CATSPERE: variants seen among roughly 807,000 people sequenced by gnomAD.
CATSPERE encodes cation channel sperm-associated auxiliary subunit epsilon.
In CATSPERE, 93 loss-of-function variants were observed where a neutral mutation model predicts 114.1. The observed-to-expected ratio is 0.81, with a 90% confidence interval of 0.69 to 0.97. The LOEUF is 0.97. Ranked by LOEUF, CATSPERE falls within the 50% of genes least tolerant of loss-of-function variation. CATSPERE has a pLI of 0.00. For synonymous variants in CATSPERE, 341 were observed against 384.1 expected, an observed-to-expected ratio of 0.89 and a Z score of 1.31; for missense variants, 1,058 against 1,131.6, an observed-to-expected ratio of 0.93 and a Z score of 0.93.
intron 8 of CATSPERE, 99 bp from the exon 9 acceptor site, chr1:244,552,223 A>G: frequency 7.0e-7 from 1 of 1,429,506 alleles, no homozygotes; most frequent in African/African-American, 1.5e-5. Context: ...ATTTGTATTG[A>G]TAAAAATTAA....
intron 11 of CATSPERE, among the ~76,000 whole-genome samples, chr1:244,574,196 A>G (rs1339536604): frequency 2.6e-5 from 4 of 152,206 alleles, no homozygotes; most frequent in African/African-American, 9.6e-5. Flanking sequence ...GCTTACGAAA[A>G]GACTTAGAAA....
chr1:244,552,889 T>C, intron 9 of CATSPERE, 75 bp downstream of exon 9: 4 of 788,828 alleles, frequency 5.1e-6, no homozygotes, highest in Non-Finnish European at 6.7e-6. Flanking sequence ...ATTTACTCAG[T>C]GATAAACAGA....
At chr1:244,574,405 G>A (rs1330901721) in intron 11 of CATSPERE, among the ~76,000 whole-genome samples, 1 of 152,114 alleles carries the variant, frequency 6.6e-6, no homozygotes, top group African/African-American at 2.4e-5. Flanking sequence ...AAGGCTTGAA[G>A]GAAGTTAGTC....
intron 18 of CATSPERE, among the ~76,000 whole-genome samples, chr1:244,608,435 C>T (rs1000891231): frequency 6.6e-6 from 1 of 151,550 alleles, no homozygotes; most frequent in Non-Finnish European, 1.5e-5. Flanking sequence ...ACTCAGGAGG[C>T]TGAGGCGGGA....
At chr1:244,461,645 A>G in intron 1 of CATSPERE, 151 bp downstream of exon 1, 1 of 512,516 alleles carries the variant, frequency 2.0e-6, no homozygotes, top group Non-Finnish European at 3.0e-6. Context: ...CACCAGCCCC[A>G]GTGTCCCACC....
At chr1:244,579,651 C>G (rs1665874329) in intron 11 of CATSPERE, among the ~76,000 whole-genome samples, 1 of 152,132 alleles carries the variant, frequency 6.6e-6, no homozygotes, top group Admixed American at 6.6e-5. Flanking sequence ...CTTCAAACTA[C>G]TAGTTATTCA....
intron 20 of CATSPERE, among the ~76,000 whole-genome samples, chr1:244,632,326 G>A (rs1452812377): frequency 4.7e-5 from 7 of 148,946 alleles, no homozygotes; most frequent in Non-Finnish European, 7.4e-5. Context: ...CCTGGGAGGC[G>A]GAGGTTGCAG....
At chr1:244,521,553 T>C (rs1250876107) in intron 8 of CATSPERE, among the ~76,000 whole-genome samples, 1 of 152,150 alleles carries the variant, frequency 6.6e-6, no homozygotes, top group Non-Finnish European at 1.5e-5. Context: ...AAAATGTTTT[T>C]TACTTCCTGC....
intron 9 of CATSPERE, among the ~76,000 whole-genome samples, chr1:244,553,361 A>AC (rs2148502297): frequency 6.6e-6 from 1 of 152,014 alleles, no homozygotes; most frequent in East Asian, 1.9e-4. Flanking sequence ...GGAGATGGAG[A>AC]CCATGGTGAA....
chr1:244,477,971 G>A lies in CATSPERE; in HGVS notation c.254G>A (p.Gly85Asp). ...GVHAIKPIVT[G>D]PDEEERYLFV... Reference sequence around the variant, plus strand: ...CACGCTATAAAACCAATTGTTACTGGCCCAGTAAGTTGTTTTAATGATATG... The same window carrying A: ...CACGCTATAAAACCAATTGTTACTGACCCAGTAAGTTGTTTTAATGATATG... The change falls in exon 4 of 22, where the codon GGC becomes GAC. Residue 85 changes from glycine to aspartate, a missense_variant. Gly to Asp is a moderately conservative substitution (Grantham distance 94, BLOSUM62 -1). Around this residue, in one of 2 missense-constraint regions of CATSPERE, gnomAD observed 271 missense variants for 225.9 expected, o/e 1.20. Transcript: ENST00000366534. 1 of 1,591,014 alleles carries A rather than the reference G, an allele frequency of 6.3e-7. No individual in the cohort carries two copies.
At chr1:244,616,693 C>T (rs1463092078) in intron 19 of CATSPERE, among the ~76,000 whole-genome samples, 1 of 152,234 alleles carries the variant, frequency 6.6e-6, no homozygotes, top group Non-Finnish European at 1.5e-5. Context: ...GTGATCCAAA[C>T]TCCTGGTGGG....
intron 6 of CATSPERE, among the ~76,000 whole-genome samples, chr1:244,497,242 G>C (rs773419199): frequency 6.6e-6 from 1 of 152,056 alleles, no homozygotes; most frequent in Non-Finnish European, 1.5e-5. Flanking sequence ...ACTCCATAAA[G>C]CTGGAAGATA....
chr1:244,584,173 T>A (rs1666678563), intron 13 of CATSPERE, among the ~76,000 whole-genome samples: 1 of 152,200 alleles, frequency 6.6e-6, no homozygotes, highest in South Asian at 2.1e-4. Flanking sequence ...AAATCATTTA[T>A]TCATTTAAAA....
At chr1:244,577,068 TA>T (rs1229850900) in intron 11 of CATSPERE, among the ~76,000 whole-genome samples, 1 of 151,820 alleles carries the variant, frequency 6.6e-6, no homozygotes, top group Non-Finnish European at 1.5e-5. Flanking sequence ...TTCTTTAAGA[TA>T]AAGAAAAAAA....
intron 5 of CATSPERE, among the ~76,000 whole-genome samples, chr1:244,484,201 T>C (rs1670662952): frequency 6.6e-6 from 1 of 152,202 alleles, no homozygotes; most frequent in Non-Finnish European, 1.5e-5. Flanking sequence ...TATAACTGTA[T>C]TTTTTAAATC....
chr1:244,532,041 T>C (rs1343041101), intron 8 of CATSPERE, among the ~76,000 whole-genome samples: 1 of 152,186 alleles, frequency 6.6e-6, no homozygotes, highest in Non-Finnish European at 1.5e-5. Context: ...GATTTCTTCA[T>C]GGTTCAATCT....
chr1:244,463,844 G>A (rs1667183619), intron 1 of CATSPERE, 64 bp from the exon 2 acceptor site: 2 of 1,383,644 alleles, frequency 1.4e-6, no homozygotes, highest in South Asian at 1.2e-5. Context: ...TGACCATGTA[G>A]AGAATCCTCA....
chr1:244,493,662 C>A lies in CATSPERE; in HGVS notation c.351+3191C>A, dbSNP rs1050141500. 2.6e-5 allele frequency among the ~76,000 whole-genome samples: 4 copies of A among 152,238 alleles called. No individual in the cohort carries two copies. In the East Asian group the frequency reaches 7.7e-4, roughly 29 times the overall value. On this transcript the variant is annotated intron_variant, in intron 6 of 21. Coordinates refer to ENST00000366534, the MANE Select transcript of CATSPERE (RefSeq NM_001130957.2). The stretch of plus-strand genomic sequence containing the variant: ...AGAAACTACCATCAGAGTGAACAGG[C>A]AACCTACAAAATGGGAGAAAATTTT...
intron 7 of CATSPERE, among the ~76,000 whole-genome samples, chr1:244,506,890 C>A (rs1300034494): frequency 6.6e-6 from 1 of 152,058 alleles, no homozygotes; most frequent in Admixed American, 6.6e-5. Flanking sequence ...ATCCATTAAC[C>A]AGCCTCTCTT....
Sources: allele counts gnomAD v4.1 joint callset (sites outside exome capture counted in the v4.1 genomes callset), GRCh38; gene constraint gnomAD v4.1.1; regional missense constraint gnomAD v4.1.1; transcripts MANE v1.5; gene names NCBI Gene and HGNC (gene_info 2026-07-23, HGNC 2026-07-21).